The following FAM167A variants were observed in gnomAD, a reference collection of about 807,000 sequenced individuals.
The protein encoded by FAM167A is family with sequence similarity 167 member A.
FAM167A carries 23 observed loss-of-function variants against 14.9 expected under a neutral mutation model. The observed-to-expected ratio is 1.55, with a 90% CI of 1.11 to 2.19. FAM167A has a LOEUF of 2.19. FAM167A is among the 30% of genes most tolerant of loss of function. The pLI is 0.00. For missense variants in FAM167A, 401 were observed against 281.5 expected, an observed-to-expected ratio of 1.42 and a Z score of -3.04; for synonymous variants, 174 against 117.7, an observed-to-expected ratio of 1.48 and a Z score of -3.10.
chr8:11,466,565 C>G (rs952798520), intron 1 of FAM167A, 61 bp downstream of exon 1: 2 of 152,546 alleles, frequency 1.3e-5, no homozygotes, highest in Non-Finnish European at 2.9e-5. Context: ...CAGACTGCGC[C>G]GCCCGCCGCG....
At chr8:11,463,457 G>A (rs1315979931) in intron 1 of FAM167A, among the ~76,000 whole-genome samples, 1 of 152,202 alleles carries the variant, frequency 6.6e-6, no homozygotes, top group Non-Finnish European at 1.5e-5. Context: ...CTGACCTAGG[G>A]GCTGCTGTGC....
intron 2 of FAM167A, among the ~76,000 whole-genome samples, chr8:11,442,287 C>T (rs551881497): frequency 7.9e-5 from 12 of 152,214 alleles, no homozygotes; most frequent in East Asian, 1.9e-4. Flanking sequence ...ATGAGAAGCA[C>T]GCAGGAGCTT....
chr8:11,457,964 C>CACCTCATGGGCTACACCTTGACCTAA (rs1807399951), intron 1 of FAM167A, among the ~76,000 whole-genome samples: 1 of 152,194 alleles, frequency 6.6e-6, no homozygotes, highest in Non-Finnish European at 1.5e-5. Flanking sequence ...CTTTTGTGTC[C>CACCTCATGGGCTACACCTTGACCTAA]CGAGCACAGG....
chr8:11,464,168 C>T (rs1445405118), intron 1 of FAM167A, among the ~76,000 whole-genome samples: 1 of 152,126 alleles, frequency 6.6e-6, no homozygotes, highest in African/African-American at 2.4e-5. Flanking sequence ...AGCAGCCCCC[C>T]TTGAACTGCT....
At chr8:11,432,768 G>T (rs1460059477) in intron 2 of FAM167A, among the ~76,000 whole-genome samples, 1 of 152,212 alleles carries the variant, frequency 6.6e-6, no homozygotes, top group African/African-American at 2.4e-5. Flanking sequence ...GCACACGTAT[G>T]TTCATTGTGG....
chr8:11,470,110 C>T (rs184375140), upstream of FAM167A, among the ~76,000 whole-genome samples: 460 of 152,136 alleles, frequency 3.0e-3, 2 homozygotes, highest in African/African-American at 0.01. Context: ...AGCAGGCAGA[C>T]GATGACCGAC....
At chr8:11,440,625 G>A (rs1029249870) in intron 2 of FAM167A, among the ~76,000 whole-genome samples, 1 of 152,222 alleles carries the variant, frequency 6.6e-6, no homozygotes, top group Non-Finnish European at 1.5e-5. Flanking sequence ...GGACAGGTTA[G>A]AGTCTGCCTT....
At chr8:11,433,113 G>A (rs1418034957) in intron 2 of FAM167A, among the ~76,000 whole-genome samples, 1 of 152,068 alleles carries the variant, frequency 6.6e-6, no homozygotes. Flanking sequence ...TAGGTGACGG[G>A]TTGTTGGGTG....
chr8:11,447,243 G>A (rs1037808108), intron 1 of FAM167A, among the ~76,000 whole-genome samples: 1 of 149,344 alleles, frequency 6.7e-6, no homozygotes, highest in South Asian at 2.1e-4. Context: ...GTGCAATGGC[G>A]TGATCTTGGC....
Position 11,444,189 on chromosome 8 carries a change from C to T in FAM167A, c.223G>A (p.Glu75Lys), listed in dbSNP as rs764651613. 1 of 1,613,048 alleles carries T rather than the reference C, an allele frequency of 6.2e-7. No homozygotes were observed. The highest frequency in any genetic ancestry group is 2.2e-5 in the East Asian group (1 of 44,872). The stretch of plus-strand genomic sequence containing the variant: ...AGCAAGGGCTCCTGCCCCCCACGCT[C>T]CCCCTCCTCCAAGCTCGCCTGTGGC... ...AEPQASLEEG[E>K]RGGQEPLLPL... Residue 75 changes from glutamate to lysine, a missense_variant, in exon 2 of 3, where the codon GAG becomes AAG. Transcript: ENST00000284486.
intron 2 of FAM167A, among the ~76,000 whole-genome samples, chr8:11,432,180 T>C (rs1319900982): frequency 1.3e-5 from 2 of 152,150 alleles, no homozygotes; most frequent in Non-Finnish European, 2.9e-5. Context: ...GCTCCAATAC[T>C]TTCTCTGATC....
At chr8:11,447,127 T>G (rs1279880256) in intron 1 of FAM167A, among the ~76,000 whole-genome samples, 2 of 152,220 alleles carry the variant, frequency 1.3e-5, no homozygotes, top group African/African-American at 4.8e-5. Flanking sequence ...GGTAGGAAAC[T>G]GCTACAAGTC....
chr8:11,454,256 G>C (rs577823285), intron 1 of FAM167A, among the ~76,000 whole-genome samples: 1 of 152,198 alleles, frequency 6.6e-6, no homozygotes, highest in Non-Finnish European at 1.5e-5. Flanking sequence ...TGTGCAAAGC[G>C]CTCTGTTTCC....
intron 1 of FAM167A, among the ~76,000 whole-genome samples, chr8:11,449,529 C>G (rs910000211): frequency 1.3e-5 from 2 of 152,160 alleles, no homozygotes; most frequent in African/African-American, 4.8e-5. Flanking sequence ...TAACCTGGGT[C>G]GTTCCTAGGG....
chr8:11,453,877 C>A lies in FAM167A; in HGVS notation c.-397-9069G>T, dbSNP rs188970897. On this transcript the variant is annotated intron_variant, in intron 1 of 2. Transcript: ENST00000284486. ...TCTTCTTACCCCATCATGCAGCAAACCGAGGTGGCAGCCTATGTGACCAGC... is the reference window on the plus strand; with the variant it reads ...TCTTCTTACCCCATCATGCAGCAAAACGAGGTGGCAGCCTATGTGACCAGC... Among the ~76,000 whole-genome samples the A allele has an allele frequency of 1.1e-4, 17 of 152,330 alleles. No individual in the cohort carries two copies. The East Asian group carries it at 3.3e-3, about 29-fold the overall frequency.
Position 11,424,338 on chromosome 8 carries a change from T to A in FAM167A, c.*35A>T. The A allele has an allele frequency of 6.2e-7, 1 of 1,608,752 alleles. No individual in the cohort carries two copies. The highest frequency in any genetic ancestry group is 8.5e-7 in the Non-Finnish European group (1 of 1,175,832). On this transcript the variant is annotated 3_prime_UTR_variant, in exon 3 of 3. Transcript: ENST00000284486. ...TCTGACACCCCTCCAGCCCAAGCCCTCCGCTCCAGCCCCTCCGCCCAGTCT... is the reference window on the plus strand; with the variant it reads ...TCTGACACCCCTCCAGCCCAAGCCCACCGCTCCAGCCCCTCCGCCCAGTCT...
upstream of FAM167A, among the ~76,000 whole-genome samples, chr8:11,470,971 T>C (rs144209776): frequency 1.8e-3 from 270 of 152,326 alleles, 5 homozygotes; most frequent in African/African-American, 6.1e-3. Flanking sequence ...TTCTGTCTTC[T>C]AGGGAACCTG....
At chr8:11,470,751 C>T (rs1159351017), upstream of FAM167A, among the ~76,000 whole-genome samples, 1 of 152,144 alleles carries the variant, frequency 6.6e-6, no homozygotes. Context: ...CTGCTCCAGG[C>T]AGCAATGAAG....
intron 2 of FAM167A, among the ~76,000 whole-genome samples, chr8:11,426,047 C>G (rs144803818): frequency 2.0e-5 from 3 of 152,182 alleles, no homozygotes; most frequent in Non-Finnish European, 2.9e-5. Context: ...AGGCTTCTAC[C>G]TGGAGGCTTC....
Sources: gnomAD v4.1 joint callset for allele counts (sites outside exome capture counted in the v4.1 genomes callset) on GRCh38, gnomAD v4.1.1 for gene constraint, MANE v1.5 for transcripts, NCBI Gene and HGNC (gene_info 2026-07-23, HGNC 2026-07-21) for gene names.